Variants in MYH16 observed in about 807,000 individuals in gnomAD.
The protein encoded by MYH16 is putative uncharacterized protein MYH16.
intron 13 of MYH16, chr7:99,263,330 C>T (rs1791956609): frequency 6.5e-6 from 1 of 153,666 alleles, no homozygotes; most frequent in Non-Finnish European, 1.5e-5. Flanking sequence ...TTTGCCCTCT[C>T]CAGGTGGGAT....
At chr7:99,283,717 C>A in intron 24 of MYH16, 66 bp downstream of exon 6, 4 of 454,064 alleles carry the variant, frequency 8.8e-6, no homozygotes, top group South Asian at 6.2e-5. Context: ...GCACGGGGTC[C>A]GAAGATTAGT....
downstream of MYH16, among the ~76,000 whole-genome samples, chr7:99,307,580 C>T (rs1488178162): frequency 6.6e-6 from 1 of 151,688 alleles, no homozygotes; most frequent in Non-Finnish European, 1.5e-5. Context: ...AAAAATTATC[C>T]AGGCATGGTG....
exon 22 of MYH16, chr7:99,279,620 G>A (rs1792172963): frequency 2.2e-6 from 1 of 456,528 alleles, no homozygotes. Flanking sequence ...AGGAGGAAGA[G>A]GGCATGGCGG....
chr7:99,283,689 G>A (rs1449261329), intron 24 of MYH16, 38 bp downstream of exon 6: 1 of 456,394 alleles, frequency 2.2e-6, no homozygotes, highest in Non-Finnish European at 4.4e-6. Context: ...ACAACTCCAA[G>A]GCCAGATCCC....
downstream of MYH16, among the ~76,000 whole-genome samples, chr7:99,308,230 A>AG (rs1792707843): frequency 7.1e-6 from 1 of 140,070 alleles, no homozygotes; most frequent in African/African-American, 2.6e-5. Context: ...AGGAGGCACG[A>AG]GTTGCAGTGA....
chr7:99,291,595 C>A (rs1792377155), intron 31 of MYH16, 145 bp downstream of exon 12: 1 of 337,492 alleles, frequency 3.0e-6, no homozygotes, highest in African/African-American at 2.2e-5. Flanking sequence ...GAGTTCGAGA[C>A]CAGCCCGAAC....
intron 9 of MYH16, chr7:99,257,257 A>C (rs1791882641): frequency 6.5e-6 from 1 of 152,864 alleles, no homozygotes; most frequent in Non-Finnish European, 1.5e-5. Flanking sequence ...ACTATGTGGA[A>C]TGAGAGGCCA....
At chr7:99,302,595 T>C in intron 38 of MYH16, among the ~76,000 whole-genome samples, 1 of 151,136 alleles carries the variant, frequency 6.6e-6, no homozygotes, top group South Asian at 2.1e-4. Context: ...AAATATATAA[T>C]CCTGGCCAGG....
At chr7:99,240,818 T>C (rs538714548) in intron 1 of MYH16, among the ~76,000 whole-genome samples, 1 of 143,882 alleles carries the variant, frequency 7.0e-6, no homozygotes, top group African/African-American at 2.5e-5. Context: ...CCAGCCTGGG[T>C]GACAGACAGA....
chr7:99,302,301 A>AAAAG lies in MYH16; in HGVS notation n.5137+500_5137+501insGAAA, dbSNP rs1234169629. Among the ~76,000 whole-genome samples, 410 of 108,894 alleles carry AAAAG rather than the reference A, an allele frequency of 3.8e-3. 19 individuals are homozygous for AAAAG. Among genetic ancestry groups the AAAAG allele is most frequent in the African/African-American group, 0.021 (367 of 17,690 alleles). 71.4% of individuals were successfully genotyped at this position (108,894 alleles called of 152,430 possible). A position where few individuals can be genotyped will look rare whatever the true frequency, so the allele number is the denominator to read the frequency against. On this transcript the variant is annotated intron_variant and non_coding_transcript_variant, in intron 38 of 41. Coordinates refer to ENST00000439784, the Ensembl canonical transcript of MYH16. ...CCTGGGTGACAGAGTGACCATCTCA[A>AAAAG]AAAAAAAAAAATATATACACACACA...
At chr7:99,302,123 A>T (rs1792603089) in intron 38 of MYH16, among the ~76,000 whole-genome samples, 1 of 151,598 alleles carries the variant, frequency 6.6e-6, no homozygotes, top group African/African-American at 2.4e-5. Flanking sequence ...GGCCAACATG[A>T]TGAAACCCCG....
chr7:99,251,488 T>G lies in MYH16; in HGVS notation n.729+302T>G, dbSNP rs562871646. Among the ~76,000 whole-genome samples the G allele has an allele frequency of 1.1e-4, 16 of 152,350 alleles. No individual in the cohort carries two copies. In the East Asian group the frequency reaches 3.1e-3, roughly 29 times the overall value. ...AAATTGCAAATTTAACAGGTCATTT[T>G]GTATCAAAAGATCAATTATGAAGCA... On this transcript the variant is annotated intron_variant and non_coding_transcript_variant, in intron 6 of 41. Coordinates refer to ENST00000439784, the Ensembl canonical transcript of MYH16.
intron 20 of MYH16, among the ~76,000 whole-genome samples, chr7:99,276,294 G>A (rs1030931762): frequency 1.3e-5 from 2 of 152,244 alleles, no homozygotes; most frequent in African/African-American, 4.8e-5. Flanking sequence ...AAGAGGCGCA[G>A]GCTGTCCCTC....
chr7:99,260,689 G>A (rs1485613961), intron 12 of MYH16: 1 of 192,456 alleles, frequency 5.2e-6, no homozygotes, highest in East Asian at 1.4e-4. Context: ...ACCTGTGAGT[G>A]GCAGAGTCAC....
exon 23 of MYH16, chr7:99,280,904 C>G: frequency 2.4e-6 from 1 of 419,840 alleles, no homozygotes; most frequent in Admixed American, 2.7e-5. Context: ...CGTACCCTGA[C>G]GGGGGACCTC....
At position 99,290,128 on chromosome 7, in the gene MYH16, G is replaced by A. The variant is rs181573852; in HGVS notation, n.3824+724G>A. Among the ~76,000 whole-genome samples, 285 of 152,242 alleles carry A rather than the reference G, an allele frequency of 1.9e-3. 1 individual carries two copies. The highest frequency in any genetic ancestry group is 6.5e-3 in the African/African-American group (268 of 41,542). ...CTACAGGTGGGCCTGTTAGTGCTCC[G>A]GTGTGACATCAAGAGAACTTGCAGG... On this transcript the variant is annotated intron_variant and non_coding_transcript_variant, in intron 30 of 41. Coordinates refer to ENST00000439784, the Ensembl canonical transcript of MYH16.
intron 2 of MYH16, among the ~76,000 whole-genome samples, chr7:99,246,868 A>G (rs1046981612): frequency 5.3e-5 from 8 of 152,170 alleles, no homozygotes; most frequent in Admixed American, 1.3e-4. Flanking sequence ...ATGGACCCCA[A>G]CTTACAATGG....
chr7:99,309,970 C>T (rs1263524426), downstream of MYH16, among the ~76,000 whole-genome samples: 3 of 151,224 alleles, frequency 2.0e-5, no homozygotes, highest in African/African-American at 7.3e-5. Context: ...TGCAGTGAGC[C>T]GAGATTGTGC....
chr7:99,246,531 A>T lies in MYH16; in HGVS notation n.355-1063A>T, dbSNP rs139989761. ...AGCCTGGCCAATATGGCGAAACCCC[A>T]TCTCTACTAAAAATACAAAAATTAG... On this transcript the variant is annotated intron_variant and non_coding_transcript_variant, in intron 2 of 41. Coordinates refer to ENST00000439784, the Ensembl canonical transcript of MYH16. Among the ~76,000 whole-genome samples, 23 of 152,156 alleles carry T rather than the reference A, an allele frequency of 1.5e-4. No individual in the cohort carries two copies. The East Asian group carries it at 4.3e-3, about 28-fold the overall frequency.
Sources: gnomAD v4.1 joint callset for allele counts (sites outside exome capture counted in the v4.1 genomes callset) on GRCh38, gnomAD v4.1.1 for gene constraint, MANE v1.5 for transcripts, NCBI Gene and HGNC (gene_info 2026-07-23, HGNC 2026-07-21) for gene names.